The following ROBO2 variants were observed in gnomAD, a reference collection of about 807,000 sequenced individuals.
ROBO2 encodes the protein roundabout homolog 2.
A neutral mutation model predicts 160.8 loss-of-function variants in ROBO2; 53 were observed. That is an observed-to-expected ratio of 0.33 (90% CI 0.26 to 0.41). The LOEUF (loss-of-function observed/expected upper bound fraction) is 0.41. Ranked by LOEUF, ROBO2 falls within the 10% of genes least tolerant of loss-of-function variation. ROBO2 has a pLI of 1.00. For synonymous variants in ROBO2, 664 were observed against 611.7 expected (o/e 1.09, Z -1.26); for missense variants, 1,577 against 1,722.4 (o/e 0.92, Z 1.49).
At chr3:77,443,983 C>A (rs1011366236) in intron 2 of ROBO2, among the ~76,000 whole-genome samples, 1 of 152,158 alleles carries the variant, frequency 6.6e-6, no homozygotes. Context: ...TCACACTTTA[C>A]AAATTAAGCA....
chr3:76,662,850 T>C (rs28522044), intron 2 of ROBO2, among the ~76,000 whole-genome samples: 17,171 of 152,066 alleles, frequency 0.11, 1,114 homozygotes, highest in African/African-American at 0.18. Context: ...GATATGAGCA[T>C]AGACAGGTCA....
At chr3:76,580,337 TTTG>T (rs1311681143) in intron 2 of ROBO2, among the ~76,000 whole-genome samples, 8 of 127,488 alleles carry the variant, frequency 6.3e-5, no homozygotes, top group South Asian at 2.8e-4. Flanking sequence ...TGTTTTTTTT[TTTG>T]TGTTTTTTTT....
intron 2 of ROBO2, among the ~76,000 whole-genome samples, chr3:76,195,552 A>G (rs1254116931): frequency 6.6e-6 from 1 of 152,210 alleles, no homozygotes; most frequent in Non-Finnish European, 1.5e-5. Flanking sequence ...CAGTTAAACC[A>G]GTAAAGCCTT....
intron 2 of ROBO2, among the ~76,000 whole-genome samples, chr3:76,597,892 T>G (rs1170536637): frequency 2.0e-5 from 3 of 152,140 alleles, no homozygotes; most frequent in Admixed American, 6.6e-5. Context: ...TTTTATGGCT[T>G]TGTAGTATTC....
intron 2 of ROBO2, among the ~76,000 whole-genome samples, chr3:76,527,529 CCTT>C (rs1389106442): frequency 1.3e-5 from 2 of 152,026 alleles, no homozygotes; most frequent in Non-Finnish European, 2.9e-5. Flanking sequence ...CCAAACCAGG[CCTT>C]CTTCATATTA....
intron 2 of ROBO2, among the ~76,000 whole-genome samples, chr3:76,156,300 G>GA (rs574734143): frequency 0.016 from 2,369 of 149,550 alleles, 26 homozygotes; most frequent in Non-Finnish European, 0.027. Context: ...TAAAGTGACA[G>GA]AAAAAAAAAG....
chr3:76,495,513 A>G (rs1021268335), intron 2 of ROBO2, among the ~76,000 whole-genome samples: 1 of 152,066 alleles, frequency 6.6e-6, no homozygotes, highest in African/African-American at 2.4e-5. Context: ...TTTGTTCACT[A>G]GCAATCATCA....
In ROBO2 at chr3:76,295,318, A is replaced by G. The variant is rs577817387; in HGVS notation, c.109+357716A>G. Among the ~76,000 whole-genome samples, 34 of 152,284 alleles carry G rather than the reference A, an allele frequency of 2.2e-4. No individual in the cohort carries two copies. In the South Asian group the frequency reaches 6.0e-3, roughly 27 times the overall value. On this transcript the variant is annotated intron_variant, in intron 2 of 26. Transcript: ENST00000487694. ...GGATGGGGTAAGAATCACTGTTCTA[A>G]AAGAGCCACCAGGACTATGCCCATA...
intron 2 of ROBO2, among the ~76,000 whole-genome samples, chr3:76,834,588 T>G (rs936163081): frequency 2.0e-5 from 3 of 152,052 alleles, no homozygotes; most frequent in African/African-American, 7.2e-5. Context: ...GCAAGGCTGG[T>G]CTCAAGCTAC....
intron 2 of ROBO2, among the ~76,000 whole-genome samples, chr3:77,244,665 G>A (rs533186748): frequency 8.0e-4 from 121 of 152,088 alleles, no homozygotes; most frequent in Admixed American, 3.4e-3. Flanking sequence ...GGATCACAAG[G>A]TCAGGAGATC....
At chr3:76,938,573 TA>T (rs1274035911) in intron 2 of ROBO2, among the ~76,000 whole-genome samples, 5 of 152,034 alleles carry the variant, frequency 3.3e-5, no homozygotes, top group Non-Finnish European at 5.9e-5. Flanking sequence ...GGCCAGCTCA[TA>T]GTGAGACCAC....
chr3:76,272,755 AT>A (rs1218591329), intron 2 of ROBO2, among the ~76,000 whole-genome samples: 30 of 53,204 alleles, frequency 5.6e-4, no homozygotes, highest in South Asian at 1.0e-3. Context: ...CTATATATAA[AT>A]ATATAATATA....
At chr3:76,386,647 T>G (rs2076905399) in intron 2 of ROBO2, among the ~76,000 whole-genome samples, 1 of 152,096 alleles carries the variant, frequency 6.6e-6, no homozygotes, top group Non-Finnish European at 1.5e-5. Flanking sequence ...TATAATTAAG[T>G]CTAAATAATC....
chr3:76,094,332 G>C (rs986398805), intron 2 of ROBO2, among the ~76,000 whole-genome samples: 1 of 152,224 alleles, frequency 6.6e-6, no homozygotes, highest in African/African-American at 2.4e-5. Flanking sequence ...GCCAGGGCAG[G>C]CAGCCCTCAC....
chr3:76,293,466 A>C (rs1383955852), intron 2 of ROBO2, among the ~76,000 whole-genome samples: 2 of 152,206 alleles, frequency 1.3e-5, no homozygotes, highest in African/African-American at 4.8e-5. Flanking sequence ...GGTGTTACAC[A>C]CAAGAGGGAG....
At chr3:76,909,885 C>T (rs541654990) in intron 2 of ROBO2, among the ~76,000 whole-genome samples, 26 of 152,184 alleles carry the variant, frequency 1.7e-4, no homozygotes, top group Non-Finnish European at 3.2e-4. Context: ...GACAGAACAA[C>T]ATGAAGAAAT....
intron 11 of ROBO2, 96 bp downstream of exon 12, chr3:77,563,425 G>A (rs2093389955): frequency 8.5e-7 from 1 of 1,176,328 alleles, no homozygotes; most frequent in Non-Finnish European, 1.3e-6. Flanking sequence ...TTAAAGACAT[G>A]TCCAATCAAT....
At chr3:76,232,201 A>G (rs1202938204) in intron 2 of ROBO2, among the ~76,000 whole-genome samples, 1 of 152,208 alleles carries the variant, frequency 6.6e-6, no homozygotes, top group Non-Finnish European at 1.5e-5. Context: ...TCAGCAAAAT[A>G]CTAAAGAAGT....
chr3:76,090,287 T>C (rs973219485), intron 2 of ROBO2, among the ~76,000 whole-genome samples: 2 of 151,780 alleles, frequency 1.3e-5, no homozygotes, highest in Non-Finnish European at 2.9e-5. Flanking sequence ...ATGGTGAAAC[T>C]CCATCTCCAG....
Sources: allele counts gnomAD v4.1 joint callset (sites outside exome capture counted in the v4.1 genomes callset), GRCh38; gene constraint gnomAD v4.1.1; transcripts MANE v1.5; gene names NCBI Gene and HGNC (gene_info 2026-07-23, HGNC 2026-07-21).